The following ADAMTSL3 variants were observed in gnomAD, a reference collection of about 807,000 sequenced individuals.
ADAMTSL3 encodes ADAMTS-like protein 3.
In ADAMTSL3, 128 loss-of-function variants were observed where a neutral mutation model predicts 201.7. That is an observed-to-expected ratio of 0.63 (90% CI 0.55 to 0.73). ADAMTSL3 has a LOEUF of 0.73. ADAMTSL3 is among the 30% of genes least tolerant of loss of function. The pLI, the probability that ADAMTSL3 is intolerant of heterozygous loss-of-function variation, is 0.00. For missense variants in ADAMTSL3, 1,990 were observed against 2,119.6 expected (o/e 0.94, Z 1.20); for synonymous variants, 738 against 748.4 (o/e 0.99, Z 0.23).
At chr15:84,015,338 G>A (rs1268697951) in intron 24 of ADAMTSL3, among the ~76,000 whole-genome samples, 1 of 152,108 alleles carries the variant, frequency 6.6e-6, no homozygotes, top group East Asian at 1.9e-4. Flanking sequence ...TAAACCAAGA[G>A]GAAAAAACAT....
intron 7 of ADAMTSL3, among the ~76,000 whole-genome samples, chr15:83,845,172 TA>T (rs1219445946): frequency 2.0e-5 from 3 of 152,250 alleles, no homozygotes; most frequent in African/African-American, 7.2e-5. Context: ...CCACTCTACG[TA>T]AAGTAGGCCC....
chr15:83,937,679 G>A (rs527876085), intron 17 of ADAMTSL3, among the ~76,000 whole-genome samples: 6 of 151,016 alleles, frequency 4.0e-5, no homozygotes, highest in South Asian at 2.1e-4. Flanking sequence ...TTATCATTAC[G>A]TATGTTAAAA....
intron 12 of ADAMTSL3, among the ~76,000 whole-genome samples, chr15:83,892,296 C>T (rs558083915): frequency 6.6e-6 from 1 of 152,050 alleles, no homozygotes; most frequent in African/African-American, 2.4e-5. Context: ...CTTTGGGATG[C>T]TGAGGCAGGC....
At chr15:83,766,321 GAA>G (rs2062889352) in intron 3 of ADAMTSL3, among the ~76,000 whole-genome samples, 1 of 152,168 alleles carries the variant, frequency 6.6e-6, no homozygotes, top group Non-Finnish European at 1.5e-5. Context: ...ACAGAGCCTT[GAA>G]CTTAGCAAGC....
chr15:83,657,682 A>C (rs1361876267), intron 2 of ADAMTSL3, among the ~76,000 whole-genome samples: 1 of 152,264 alleles, frequency 6.6e-6, no homozygotes, highest in Non-Finnish European at 1.5e-5. Context: ...GCTGCTTGTC[A>C]GCATTAGAAG....
At chr15:83,725,927 A>G (rs2141589615) in intron 3 of ADAMTSL3, among the ~76,000 whole-genome samples, 1 of 152,214 alleles carries the variant, frequency 6.6e-6, no homozygotes, top group South Asian at 2.1e-4. Flanking sequence ...TCTTTCTGTG[A>G]AGAATGTCAT....
intron 16 of ADAMTSL3, among the ~76,000 whole-genome samples, chr15:83,916,268 C>T (rs1486873551): frequency 6.6e-6 from 1 of 152,166 alleles, no homozygotes; most frequent in African/African-American, 2.4e-5. Flanking sequence ...TAGCCTTTTA[C>T]TACTCAGGTA....
chr15:83,740,349 C>T (rs149932330), intron 3 of ADAMTSL3: 16 of 152,240 alleles, frequency 1.1e-4, no homozygotes, highest in African/African-American at 3.9e-4. Context: ...ATACATTTAC[C>T]ACCAAAAAGT....
At chr15:83,780,391 CAA>C (rs759401232) in intron 4 of ADAMTSL3, among the ~76,000 whole-genome samples, 65 of 135,176 alleles carry the variant, frequency 4.8e-4, no homozygotes, top group Admixed American at 8.2e-4. Context: ...GCCTGGGCGA[CAA>C]GAGTGAAACT....
intron 23 of ADAMTSL3, among the ~76,000 whole-genome samples, chr15:83,997,946 C>T (rs2067717751): frequency 6.6e-6 from 1 of 151,730 alleles, no homozygotes; most frequent in South Asian, 2.1e-4. Flanking sequence ...AGAAAAAGTG[C>T]TTGAACTAAG....
intron 28 of ADAMTSL3, 134 bp from the exon 29 acceptor site, chr15:84,036,639 T>G (rs1392437151): frequency 1.5e-6 from 1 of 656,554 alleles, no homozygotes; most frequent in Non-Finnish European, 2.6e-6. Context: ...CAGAGGAATG[T>G]CTTGGTCTTA....
At chr15:83,808,929 A>C (rs7173592) in intron 5 of ADAMTSL3, among the ~76,000 whole-genome samples, 8,829 of 151,948 alleles carry the variant, frequency 0.058, 319 homozygotes, top group East Asian at 0.18. Context: ...AAAAAAAAAA[A>C]AACAACTTGA....
rs148052178 is a variant in ADAMTSL3, at chr15:83,861,065, A to G, written c.802+2225A>G. 5.8e-3 allele frequency among the ~76,000 whole-genome samples: 884 copies of G among 152,312 alleles called. 11 individuals are homozygous for G. Among genetic ancestry groups the G allele is most frequent in the African/African-American group, 0.02 (848 of 41,578 alleles). ...GTCCTATGCCCACGGAGCCTTGCTC[A>G]TTGCTAGCACAGCAGTCTGAGATCA... On this transcript the variant is annotated intron_variant, in intron 8 of 29. Coordinates refer to ENST00000286744, the MANE Select transcript of ADAMTSL3 (RefSeq NM_207517.3).
At chr15:83,690,714 T>C (rs2061598910) in intron 2 of ADAMTSL3, among the ~76,000 whole-genome samples, 2 of 152,166 alleles carry the variant, frequency 1.3e-5, no homozygotes, top group Admixed American at 1.3e-4. Context: ...CATGGGAGCA[T>C]GGAGTGTCTT....
intron 8 of ADAMTSL3, chr15:83,862,808 A>G (rs1209128832): frequency 1.3e-5 from 2 of 152,256 alleles, no homozygotes; most frequent in African/African-American, 2.4e-5. Context: ...TACCCCACTT[A>G]AAAGACACAG....
chr15:83,850,162 C>T lies in ADAMTSL3; in HGVS notation c.728-8604C>T, dbSNP rs1010824073. Among the ~76,000 whole-genome samples, 6 of 152,080 alleles carry T rather than the reference C, an allele frequency of 3.9e-5. No individual in the cohort carries two copies. The East Asian group carries it at 5.8e-4, about 15-fold the overall frequency. ...AGAGACCTCGCCCTGCAGCTGCACC[C>T]ATCCATTCCCTGCTTCCTCCCGCTA... On this transcript the variant is annotated intron_variant, in intron 7 of 29. Transcript: ENST00000286744.
intron 3 of ADAMTSL3, among the ~76,000 whole-genome samples, chr15:83,725,845 A>G (rs1464295620): frequency 1.3e-5 from 2 of 151,724 alleles, no homozygotes; most frequent in African/African-American, 2.4e-5. Flanking sequence ...CAGTTTTCTT[A>G]TTTTTGGTCA....
chr15:83,796,242 CATT>C (rs960590844), intron 4 of ADAMTSL3, among the ~76,000 whole-genome samples: 2 of 152,122 alleles, frequency 1.3e-5, no homozygotes, highest in African/African-American at 4.8e-5. Flanking sequence ...GGATAACTCT[CATT>C]ATTCAGAGAC....
chr15:83,977,675 T>G (rs777266444), intron 20 of ADAMTSL3, among the ~76,000 whole-genome samples: 15 of 152,086 alleles, frequency 9.9e-5, no homozygotes, highest in Non-Finnish European at 1.6e-4. Context: ...CCTAAGACGG[T>G]CAAGTAAGAA....
Sources: gnomAD v4.1 joint callset for allele counts (sites outside exome capture counted in the v4.1 genomes callset) on GRCh38, gnomAD v4.1.1 for gene constraint, MANE v1.5 for transcripts, NCBI Gene and HGNC (gene_info 2026-07-23, HGNC 2026-07-21) for gene names.